RSRC1: variants seen among roughly 807,000 people sequenced by gnomAD.
The protein encoded by RSRC1 is arginine and serine rich coiled-coil 1.
In RSRC1, 39 loss-of-function variants were observed where a neutral mutation model predicts 49.1. The observed-to-expected ratio is 0.79, with a 90% CI of 0.61 to 1.04. RSRC1 has a LOEUF of 1.04. Ranked by LOEUF, RSRC1 falls within the 50% of genes least tolerant of loss-of-function variation. The pLI, the probability that RSRC1 is intolerant of heterozygous loss-of-function variation, is 0.00. For missense variants in RSRC1, 388 were observed against 402.4 expected, an observed-to-expected ratio of 0.96 and a Z score of 0.31; for synonymous variants, 143 against 130.8, an observed-to-expected ratio of 1.09 and a Z score of -0.63.
chr3:158,137,655 C>CTTTTTT (rs11388972), intron 3 of RSRC1, among the ~76,000 whole-genome samples: 2 of 138,520 alleles, frequency 1.4e-5, no homozygotes, highest in African/African-American at 2.7e-5. Context: ...TTTTCTTTTT[C>CTTTTTT]TTTTTTTTTT....
At chr3:158,191,171 A>G (rs906265646) in intron 3 of RSRC1, among the ~76,000 whole-genome samples, 3 of 151,870 alleles carry the variant, frequency 2.0e-5, no homozygotes, top group African/African-American at 4.8e-5. Context: ...TCCAAAGCGC[A>G]TCACTCCTAG....
intron 6 of RSRC1, among the ~76,000 whole-genome samples, chr3:158,455,055 A>G (rs1046857677): frequency 6.6e-6 from 1 of 152,078 alleles, no homozygotes. Flanking sequence ...ATTCAGTTTG[A>G]TATTTGCCCC....
chr3:158,482,232 T>A lies in RSRC1; in HGVS notation c.652+21229T>A, dbSNP rs1342241121. Among the ~76,000 whole-genome samples the A allele has an allele frequency of 2.6e-5, 4 of 150,954 alleles. No homozygotes were observed. In the East Asian group the frequency reaches 7.7e-4, roughly 29 times the overall value. ...ACCACTCAGCAGAAGAAAAAACAGA[T>A]AAATTAATAGCATTGCTGAGGGTCT... On this transcript the variant is annotated intron_variant, in intron 7 of 9. Transcript: ENST00000611884.
At chr3:158,311,163 C>T (rs539098282) in intron 5 of RSRC1, among the ~76,000 whole-genome samples, 2 of 151,988 alleles carry the variant, frequency 1.3e-5, no homozygotes, top group South Asian at 4.1e-4. Context: ...CAGTACCTCT[C>T]TAACAGTGTT....
At chr3:158,218,104 A>G (rs1466158860) in intron 4 of RSRC1, among the ~76,000 whole-genome samples, 3 of 151,596 alleles carry the variant, frequency 2.0e-5, no homozygotes, top group Non-Finnish European at 3.0e-5. Flanking sequence ...GGAGAAACAG[A>G]TAGGGGCTAG....
At chr3:158,438,204 G>A (rs1393250607) in intron 6 of RSRC1, among the ~76,000 whole-genome samples, 1 of 152,068 alleles carries the variant, frequency 6.6e-6, no homozygotes, top group African/African-American at 2.4e-5. Context: ...TCATGCTCAT[G>A]GATAGAAAGA....
chr3:158,374,160 G>A (rs763771029), intron 6 of RSRC1, among the ~76,000 whole-genome samples: 2 of 151,982 alleles, frequency 1.3e-5, no homozygotes, highest in Non-Finnish European at 2.9e-5. Flanking sequence ...CTAACGGATT[G>A]GATATTTTTT....
Position 158,425,000 on chromosome 3 carries a change from A to G in RSRC1, c.584-35935A>G, listed in dbSNP as rs569957726. Among the ~76,000 whole-genome samples, 14 of 151,038 alleles carry G rather than the reference A, an allele frequency of 9.3e-5. No homozygotes were observed. In the South Asian group the frequency reaches 3.0e-3, roughly 32 times the overall value. On this transcript the variant is annotated intron_variant, in intron 6 of 9. Transcript: ENST00000611884. ...TCTTTATTAGTCTTGCTAGCGGTCTATCAATTTTGTTGATCCTTTCAAAAA... is the reference window on the plus strand; with the variant it reads ...TCTTTATTAGTCTTGCTAGCGGTCTGTCAATTTTGTTGATCCTTTCAAAAA...
rs1460922136 is a variant in RSRC1, at chr3:158,536,552, TTTAG to T, written c.653-537_653-534del. Among the ~76,000 whole-genome samples, 12 of 151,632 alleles carry T rather than the reference TTTAG, an allele frequency of 7.9e-5. No homozygotes were observed. The East Asian group carries it at 1.9e-3, about 24-fold the overall frequency. ...AAATTAAGGAATTATTGATAATATT[TTTAG>T]TTGTGAAAATGATATTGTCAAGTTA... is the stretch of plus-strand genomic sequence containing the variant. On this transcript the variant is annotated intron_variant, in intron 7 of 9. Transcript: ENST00000611884.
intron 6 of RSRC1, among the ~76,000 whole-genome samples, chr3:158,402,600 A>G (rs1340978994): frequency 6.6e-6 from 1 of 151,882 alleles, no homozygotes; most frequent in Non-Finnish European, 1.5e-5. Flanking sequence ...TCAGAAAATT[A>G]ATAGAGGCAG....
intron 7 of RSRC1, among the ~76,000 whole-genome samples, chr3:158,522,565 T>C (rs886229377): frequency 5.3e-5 from 8 of 152,156 alleles, no homozygotes; most frequent in Non-Finnish European, 7.4e-5. Flanking sequence ...AAGAAAAAGC[T>C]GAATTGAGGA....
Position 158,391,282 on chromosome 3 carries a change from A to G in RSRC1, c.583+36374A>G, listed in dbSNP as rs185983244. Reference sequence around the variant, plus strand: ...ATCTTTTTGGTAGTTTGGTACTGCAATGAATCATAATTGATATTCAAAAAA... The same window carrying G: ...ATCTTTTTGGTAGTTTGGTACTGCAGTGAATCATAATTGATATTCAAAAAA... On this transcript the variant is annotated intron_variant, in intron 6 of 9. Transcript: ENST00000611884. Among the ~76,000 whole-genome samples, 36 of 152,214 alleles carry G rather than the reference A, an allele frequency of 2.4e-4. No individual in the cohort carries two copies. The East Asian group carries it at 3.9e-3, about 16-fold the overall frequency.
intron 6 of RSRC1, among the ~76,000 whole-genome samples, chr3:158,372,014 A>C (rs1453838251): frequency 2.8e-5 from 4 of 141,048 alleles, no homozygotes; most frequent in Non-Finnish European, 3.3e-5. Flanking sequence ...TTGCCCATTA[A>C]AAAAATTGTT....
At chr3:158,362,251 A>G (rs1731517133) in intron 6 of RSRC1, among the ~76,000 whole-genome samples, 1 of 152,170 alleles carries the variant, frequency 6.6e-6, no homozygotes, top group Admixed American at 6.5e-5. Flanking sequence ...GAGGTGGGAC[A>G]TTGCTTGTGC....
intron 5 of RSRC1, chr3:158,336,409 G>C (rs2108205736): frequency 6.5e-6 from 1 of 153,116 alleles, no homozygotes; most frequent in South Asian, 2.1e-4. Context: ...TGGGCTTTGT[G>C]GGATTGCCAG....
chr3:158,509,828 T>A (rs1018890659), intron 7 of RSRC1, among the ~76,000 whole-genome samples: 2 of 152,224 alleles, frequency 1.3e-5, no homozygotes, highest in Non-Finnish European at 2.9e-5. Context: ...CAAAACTTAC[T>A]GATTCTCTTG....
At chr3:158,123,238 C>T (rs1715398364) in intron 2 of RSRC1, among the ~76,000 whole-genome samples, 1 of 152,180 alleles carries the variant, frequency 6.6e-6, no homozygotes, top group Non-Finnish European at 1.5e-5. Context: ...AACTCCTGAC[C>T]TCAGGTGATC....
chr3:158,187,958 A>G (rs827158), intron 3 of RSRC1, among the ~76,000 whole-genome samples: 87,859 of 151,704 alleles, frequency 0.58, 25,743 homozygotes, highest in East Asian at 0.73. Context: ...TTTGAATGGA[A>G]AAATTTAAGC....
intron 3 of RSRC1, among the ~76,000 whole-genome samples, chr3:158,179,653 T>G (rs916689290): frequency 8.7e-5 from 13 of 148,952 alleles, no homozygotes; most frequent in Non-Finnish European, 1.8e-4. Flanking sequence ...CCATTGAAAG[T>G]TTTTTTTCAG....
Sources: allele counts gnomAD v4.1 joint callset (sites outside exome capture counted in the v4.1 genomes callset), GRCh38; gene constraint gnomAD v4.1.1; transcripts MANE v1.5; gene names NCBI Gene and HGNC (gene_info 2026-07-23, HGNC 2026-07-21).